The following CTNNA2 variants were observed in gnomAD, a reference collection of about 807,000 sequenced individuals.
CTNNA2 encodes the protein catenin alpha 2, also known as catenin alpha-2.
CTNNA2 carries 42 observed loss-of-function variants against 101.0 expected under a neutral mutation model. The observed-to-expected ratio is 0.42, with a 90% CI of 0.32 to 0.54. The LOEUF is 0.54. CTNNA2 is among the 20% of genes least tolerant of loss of function. The probability of loss-of-function intolerance (pLI) is 0.14; values close to 1 mark genes in which losing one functional copy is unlikely to be tolerated. For missense variants in CTNNA2, 871 were observed against 1,223.1 expected, an observed-to-expected ratio of 0.71 and a Z score of 4.29; for synonymous variants, 450 against 456.4, an observed-to-expected ratio of 0.99 and a Z score of 0.18.
At chr2:80,018,464 G>A (rs188650191) in intron 7 of CTNNA2, among the ~76,000 whole-genome samples, 113 of 151,222 alleles carry the variant, frequency 7.5e-4, no homozygotes, top group Non-Finnish European at 8.1e-4. Flanking sequence ...TTACACAAAG[G>A]AAGTCAGTAA....
chr2:79,279,210 T>A (rs1359264237), intron 2 of CTNNA2, among the ~76,000 whole-genome samples: 10 of 152,020 alleles, frequency 6.6e-5, no homozygotes, highest in African/African-American at 2.4e-4. Context: ...TAACTGCAAA[T>A]ATTTATTATG....
chr2:80,222,097 C>G (rs1708607203), intron 7 of CTNNA2, among the ~76,000 whole-genome samples: 1 of 152,122 alleles, frequency 6.6e-6, no homozygotes, highest in African/African-American at 2.4e-5. Context: ...TTTGCCCAAG[C>G]CAAACACAAG....
intron 3 of CTNNA2, among the ~76,000 whole-genome samples, chr2:79,336,915 A>G (rs1573092332): frequency 1.3e-5 from 2 of 152,280 alleles, no homozygotes; most frequent in South Asian, 2.1e-4. Context: ...CATGGTGTCC[A>G]TGGGGTGTGA....
At chr2:79,827,196 G>A (rs951202813) in intron 3 of CTNNA2, among the ~76,000 whole-genome samples, 3 of 151,744 alleles carry the variant, frequency 2.0e-5, no homozygotes, top group South Asian at 2.1e-4. Flanking sequence ...CCGCCACCAC[G>A]CCCAACTAAT....
chr2:80,544,055 C>T (rs768939460), intron 9 of CTNNA2, among the ~76,000 whole-genome samples: 1 of 152,034 alleles, frequency 6.6e-6, no homozygotes, highest in Non-Finnish European at 1.5e-5. Flanking sequence ...CTTGAATTAC[C>T]AACTCTCCTT....
chr2:80,119,299 G>A (rs564136267), intron 7 of CTNNA2, among the ~76,000 whole-genome samples: 1 of 152,248 alleles, frequency 6.6e-6, no homozygotes, highest in African/African-American at 2.4e-5. Context: ...CTCTCTCCCT[G>A]ACATATTTCA....
At chr2:79,591,067 G>T (rs910178634) in intron 1 of CTNNA2, among the ~76,000 whole-genome samples, 2 of 152,118 alleles carry the variant, frequency 1.3e-5, no homozygotes, top group Non-Finnish European at 2.9e-5. Context: ...TTATGTTGGT[G>T]TACAAATTCA....
intron 9 of CTNNA2, among the ~76,000 whole-genome samples, chr2:80,506,000 C>T (rs1022850556): frequency 1.3e-5 from 2 of 152,120 alleles, no homozygotes; most frequent in Non-Finnish European, 2.9e-5. Flanking sequence ...CTAGATGTCA[C>T]GTATTCCCAA....
chr2:79,590,975 G>A (rs1676810522), intron 1 of CTNNA2, among the ~76,000 whole-genome samples: 1 of 152,062 alleles, frequency 6.6e-6, no homozygotes, highest in African/African-American at 2.4e-5. Context: ...ATGGCAGTGA[G>A]GTGTTGTTTT....
chr2:80,585,721 CAT>C (rs563922068), intron 14 of CTNNA2, among the ~76,000 whole-genome samples: 30 of 152,232 alleles, frequency 2.0e-4, no homozygotes, highest in South Asian at 1.5e-3. Flanking sequence ...AATTAAAACT[CAT>C]GTGTTGAATT....
At chr2:80,328,413 G>A (rs182812826) in intron 7 of CTNNA2, 1 of 470,606 alleles carries the variant, frequency 2.1e-6, no homozygotes, top group Non-Finnish European at 4.4e-6. Context: ...CTAGGCTGAG[G>A]GGCCAGACTG....
intron 7 of CTNNA2, among the ~76,000 whole-genome samples, chr2:80,192,527 T>C (rs1481528625): frequency 6.6e-6 from 1 of 152,192 alleles, no homozygotes; most frequent in Non-Finnish European, 1.5e-5. Context: ...ACTTTTCTTT[T>C]TTTTTCTTTT....
intron 7 of CTNNA2, among the ~76,000 whole-genome samples, chr2:79,979,750 C>T (rs977175296): frequency 6.6e-6 from 1 of 151,956 alleles, no homozygotes. Context: ...TAAGATAAAG[C>T]CAGAGATATC....
At chr2:80,580,358 A>G (rs1430117391) in intron 13 of CTNNA2, among the ~76,000 whole-genome samples, 6 of 152,114 alleles carry the variant, frequency 3.9e-5, no homozygotes, top group African/African-American at 1.4e-4. Flanking sequence ...ATTGGAAAGG[A>G]TCTTGATCTA....
At chr2:80,360,947 A>G (rs538045387) in intron 7 of CTNNA2, among the ~76,000 whole-genome samples, 6 of 152,002 alleles carry the variant, frequency 3.9e-5, no homozygotes, top group Admixed American at 3.3e-4. Flanking sequence ...TATTAAACGT[A>G]TTATAGTGGG....
At chr2:80,489,535 T>A (rs531212770) in intron 9 of CTNNA2, among the ~76,000 whole-genome samples, 7 of 152,258 alleles carry the variant, frequency 4.6e-5, no homozygotes, top group Non-Finnish European at 5.9e-5. Context: ...AATGGCATGG[T>A]GATTGTTAAG....
At chr2:79,279,766 A>G (rs1675313219) in intron 2 of CTNNA2, among the ~76,000 whole-genome samples, 2 of 152,050 alleles carry the variant, frequency 1.3e-5, no homozygotes, top group African/African-American at 4.8e-5. Context: ...CCTCTTCTTG[A>G]CACTTCCAAA....
chr2:79,982,314 T>TAA lies in CTNNA2; in HGVS notation c.1056+72518_1056+72519dup, dbSNP rs1489183618. Among the ~76,000 whole-genome samples the TAA allele has an allele frequency of 9.0e-3, 1,210 of 135,108 alleles. 34 individuals are homozygous for TAA. Among genetic ancestry groups the TAA allele is most frequent in the African/African-American group, 0.036 (1,154 of 31,886 alleles). 88.6% of individuals were successfully genotyped at this position (135,108 alleles called of 152,430 possible). A position where few individuals can be genotyped will look rare whatever the true frequency, so the allele number is the denominator to read the frequency against. On this transcript the variant is annotated intron_variant, in intron 7 of 18. Coordinates refer to ENST00000402739, the MANE Select transcript of CTNNA2 (RefSeq NM_001282597.3). Reference sequence around the variant, plus strand: ...ATATATAACATATATAAAACATATATAACATATATAACACACATATAAAAC... The same window carrying TAA: ...ATATATAACATATATAAAACATATATAAAACATATATAACACACATATAAAAC...
chr2:80,236,361 C>A (rs1316556056), intron 7 of CTNNA2, among the ~76,000 whole-genome samples: 1 of 152,102 alleles, frequency 6.6e-6, no homozygotes, highest in African/African-American at 2.4e-5. Flanking sequence ...GATGGCAATC[C>A]CACTTTCTGT....
Sources: gnomAD v4.1 joint callset for allele counts (sites outside exome capture counted in the v4.1 genomes callset) on GRCh38, gnomAD v4.1.1 for gene constraint, MANE v1.5 for transcripts, NCBI Gene and HGNC (gene_info 2026-07-23, HGNC 2026-07-21) for gene names.